Variants in ANO4 observed in about 807,000 individuals in gnomAD.
ANO4 encodes anoctamin-4.
Under a neutral mutation model 141.9 loss-of-function variants are expected in ANO4, and 69 were observed. The observed-to-expected ratio is 0.49, with a 90% CI of 0.40 to 0.59. The LOEUF (loss-of-function observed/expected upper bound fraction) is 0.59, where lower values mean the gene tolerates loss of function less well. Among genes scored for constraint, ANO4 ranks in the 20% least tolerant of loss-of-function variants. The pLI is 0.00. For synonymous variants in ANO4, 350 were observed against 394.3 expected, an observed-to-expected ratio of 0.89 and a Z score of 1.33; for missense variants, 894 against 1,162.2, an observed-to-expected ratio of 0.77 and a Z score of 3.36.
rs1039158370 is a variant in ANO4, at chr12:100,920,915, T to C, written c.56-1311T>C. ...TGACAACTAAGGTTTTTGTGCATTA[T>C]CTCATTTAATCCTAGTGGCTGCTCT... On this transcript the variant is annotated intron_variant, in intron 2 of 27. Transcript: ENST00000392977. Among the ~76,000 whole-genome samples, 12 of 152,282 alleles carry C rather than the reference T, an allele frequency of 7.9e-5. No individual in the cohort carries two copies. The East Asian group carries it at 1.9e-3, about 25-fold the overall frequency.
chr12:100,865,691 T>G (rs1329686963), intron 1 of ANO4, among the ~76,000 whole-genome samples: 2 of 152,158 alleles, frequency 1.3e-5, no homozygotes, highest in Non-Finnish European at 2.9e-5. Flanking sequence ...TGATGCTGTA[T>G]AAATCCAGGT....
At chr12:100,855,228 C>A (rs543905854) in intron 1 of ANO4, among the ~76,000 whole-genome samples, 2 of 152,088 alleles carry the variant, frequency 1.3e-5, no homozygotes, top group Non-Finnish European at 2.9e-5. Flanking sequence ...TTTGGTCCAT[C>A]GTATCCTTTT....
chr12:100,829,359 T>C (rs903230538), intron 1 of ANO4, among the ~76,000 whole-genome samples: 5 of 152,078 alleles, frequency 3.3e-5, no homozygotes, highest in Admixed American at 6.6e-5. Context: ...CTGGGAAATA[T>C]GTATATACAT....
At chr12:100,939,510 C>A in intron 4 of ANO4, 59 bp downstream of exon 4, 1 of 1,581,792 alleles carries the variant, frequency 6.3e-7, no homozygotes, top group Admixed American at 1.7e-5. Flanking sequence ...ACCTGTGAAG[C>A]ATGTTCCAAT....
chr12:100,860,388 C>A (rs2038407060), intron 1 of ANO4, among the ~76,000 whole-genome samples: 1 of 152,168 alleles, frequency 6.6e-6, no homozygotes, highest in Non-Finnish European at 1.5e-5. Context: ...ATCAGTGTGG[C>A]TGCTTTGTGT....
intron 1 of ANO4, among the ~76,000 whole-genome samples, chr12:100,814,927 G>A (rs192767958): frequency 6.6e-6 from 1 of 152,226 alleles, no homozygotes; most frequent in Admixed American, 6.5e-5. Context: ...AGTGGGAGAG[G>A]GGGCTGCAGG....
intron 2 of ANO4, among the ~76,000 whole-genome samples, chr12:100,910,095 C>G (rs1192807417): frequency 2.0e-5 from 3 of 152,044 alleles, no homozygotes; most frequent in African/African-American, 7.2e-5. Context: ...AGCAGGACAT[C>G]CTGTATTGTA....
chr12:100,757,038 C>G (rs1007919180), intron 3 of ANO4, among the ~76,000 whole-genome samples: 1 of 152,078 alleles, frequency 6.6e-6, no homozygotes, highest in South Asian at 2.1e-4. Context: ...TTTTTTTTAT[C>G]TGTCCCTTCT....
chr12:100,882,510 G>T (rs2039619846), intron 1 of ANO4, among the ~76,000 whole-genome samples: 1 of 152,078 alleles, frequency 6.6e-6, no homozygotes, highest in Admixed American at 6.5e-5. Flanking sequence ...GGCAGGACTT[G>T]AACTCTTGCA....
intron 6 of ANO4, among the ~76,000 whole-genome samples, chr12:100,971,866 CA>C (rs1246833233): frequency 3.4e-5 from 5 of 146,534 alleles, no homozygotes; most frequent in African/African-American, 5.1e-5. Flanking sequence ...AAAAAAAAAA[CA>C]AAAAAAACCA....
chr12:100,806,524 G>C lies in ANO4; in HGVS notation c.-141+11497G>C, dbSNP rs201475026. Among the ~76,000 whole-genome samples, 22 of 59,882 alleles carry C rather than the reference G, an allele frequency of 3.7e-4. 1 individual carries two copies. In the East Asian group the frequency reaches 7.6e-3, roughly 21 times the overall value. 39.3% of individuals were successfully genotyped at this position (59,882 alleles called of 152,430 possible). On this transcript the variant is annotated intron_variant, in intron 1 of 27. Coordinates refer to ENST00000392977, the MANE Select transcript of ANO4 (RefSeq NM_001286615.2). ...TTTTAGGAGGTTTTTTTTTTGTTTCGTTTTTTTTTTTTTTTTTTTTTTTTT... is the reference window on the plus strand; with the variant it reads ...TTTTAGGAGGTTTTTTTTTTGTTTCCTTTTTTTTTTTTTTTTTTTTTTTTT...
chr12:100,731,079 A>T (rs1450527934), intron 1 of ANO4, among the ~76,000 whole-genome samples: 1 of 152,178 alleles, frequency 6.6e-6, no homozygotes, highest in African/African-American at 2.4e-5. Flanking sequence ...CTTCTCTGTC[A>T]ATCCACATTG....
intron 3 of ANO4, among the ~76,000 whole-genome samples, chr12:100,785,460 G>T (rs1038028681): frequency 6.6e-6 from 1 of 152,036 alleles, no homozygotes; most frequent in African/African-American, 2.4e-5. Flanking sequence ...TCCTAGTTTT[G>T]CCTTTTCTAG....
At chr12:101,064,914 C>T (rs1484630045) in intron 14 of ANO4, among the ~76,000 whole-genome samples, 8 of 152,204 alleles carry the variant, frequency 5.3e-5, no homozygotes, top group South Asian at 2.1e-4. Flanking sequence ...ATATCTACAC[C>T]GTTCACACTA....
chr12:101,059,613 G>A (rs2048265686), intron 14 of ANO4, among the ~76,000 whole-genome samples: 1 of 152,122 alleles, frequency 6.6e-6, no homozygotes, highest in Admixed American at 6.5e-5. Flanking sequence ...CCTTGGGAGG[G>A]TGTATGTGTC....
At chr12:100,897,093 GT>G (rs1364503934) in intron 1 of ANO4, among the ~76,000 whole-genome samples, 2 of 152,196 alleles carry the variant, frequency 1.3e-5, no homozygotes, top group African/African-American at 4.8e-5. Flanking sequence ...CCACTACTTT[GT>G]ACTAACCTCA....
intron 2 of ANO4, among the ~76,000 whole-genome samples, chr12:100,921,666 C>A (rs1184009654): frequency 1.3e-5 from 2 of 152,010 alleles, no homozygotes; most frequent in Non-Finnish European, 2.9e-5. Flanking sequence ...TCAGACAAAC[C>A]TAGAACAAGA....
At chr12:101,110,759 C>G (rs781012950) in intron 23 of ANO4, among the ~76,000 whole-genome samples, 1 of 152,132 alleles carries the variant, frequency 6.6e-6, no homozygotes, top group Non-Finnish European at 1.5e-5. Context: ...ATTTCCAGTG[C>G]TAGAGAATTT....
chr12:100,879,563 G>A (rs866253722), intron 1 of ANO4, among the ~76,000 whole-genome samples: 1 of 152,116 alleles, frequency 6.6e-6, no homozygotes, highest in South Asian at 2.1e-4. Context: ...TGAATTAAAA[G>A]TGAAGTATTC....
Sources: gnomAD v4.1 joint callset for allele counts (sites outside exome capture counted in the v4.1 genomes callset) on GRCh38, gnomAD v4.1.1 for gene constraint, MANE v1.5 for transcripts, NCBI Gene and HGNC (gene_info 2026-07-23, HGNC 2026-07-21) for gene names.